RBMS3: variants seen among roughly 807,000 people sequenced by gnomAD.
The protein encoded by RBMS3 is RNA-binding motif, single-stranded-interacting protein 3.
Under a neutral mutation model 66.8 loss-of-function variants are expected in RBMS3, and 27 were observed. The ratio of observed to expected loss-of-function variants is 0.40; its 90% CI spans 0.30 to 0.56. The LOEUF is 0.56. Ranked by LOEUF, RBMS3 falls within the 20% of genes least tolerant of loss-of-function variation. RBMS3 has a pLI of 0.40. For synonymous variants in RBMS3, 188 were observed against 183.0 expected (o/e 1.03, Z -0.22); for missense variants, 513 against 549.5 (o/e 0.93, Z 0.66).
chr3:29,927,149 A>C (rs1044701824), intron 10 of RBMS3: 3 of 152,240 alleles, frequency 2.0e-5, no homozygotes, highest in African/African-American at 7.2e-5. Context: ...GAGAAGGTCA[A>C]GCTGGCAGTG....
intron 4 of RBMS3, among the ~76,000 whole-genome samples, chr3:29,627,218 A>G (rs2049093161): frequency 6.6e-6 from 1 of 152,012 alleles, no homozygotes; most frequent in Non-Finnish European, 1.5e-5. Flanking sequence ...ACCTCTCCCC[A>G]TGGATGAACA....
chr3:29,554,397 C>A (rs1385961186), intron 3 of RBMS3, among the ~76,000 whole-genome samples: 2 of 152,194 alleles, frequency 1.3e-5, no homozygotes, highest in Non-Finnish European at 2.9e-5. Flanking sequence ...ATTCACTAAG[C>A]AGTAACAGTC....
chr3:29,339,066 C>G (rs1412866563), intron 1 of RBMS3, among the ~76,000 whole-genome samples: 2 of 152,176 alleles, frequency 1.3e-5, no homozygotes, highest in Non-Finnish European at 2.9e-5. Context: ...GATCCTCTAA[C>G]TCTTGTTGGC....
intron 8 of RBMS3, among the ~76,000 whole-genome samples, chr3:29,886,572 TAACA>T (rs1200124750): frequency 6.6e-6 from 1 of 151,908 alleles, no homozygotes; most frequent in Admixed American, 6.6e-5. Context: ...TTGTAGAGAT[TAACA>T]AGCCAACAAG....
chr3:29,470,747 A>T (rs1212902774), intron 2 of RBMS3, among the ~76,000 whole-genome samples: 1 of 152,140 alleles, frequency 6.6e-6, no homozygotes, highest in Non-Finnish European at 1.5e-5. Context: ...CTTGAAATAA[A>T]AATGACAGTA....
chr3:29,402,217 C>T (rs2039842904), intron 1 of RBMS3, among the ~76,000 whole-genome samples: 1 of 151,910 alleles, frequency 6.6e-6, no homozygotes, highest in Non-Finnish European at 1.5e-5. Context: ...GTAAGAGGCT[C>T]CTATGTAGGA....
intron 2 of RBMS3, among the ~76,000 whole-genome samples, chr3:29,478,432 C>T (rs530588485): frequency 6.6e-5 from 10 of 152,172 alleles, no homozygotes; most frequent in East Asian, 3.9e-4. Context: ...GGCCCTCTTT[C>T]GTAAGGGGAC....
At chr3:29,425,568 G>A (rs1264545599) in intron 1 of RBMS3, among the ~76,000 whole-genome samples, 2 of 151,922 alleles carry the variant, frequency 1.3e-5, no homozygotes, top group Non-Finnish European at 2.9e-5. Context: ...AACCAAGGTG[G>A]TGGAGGTTGC....
chr3:29,641,664 TTC>T (rs1161350074), intron 4 of RBMS3, among the ~76,000 whole-genome samples: 1 of 152,106 alleles, frequency 6.6e-6, no homozygotes, highest in African/African-American at 2.4e-5. Flanking sequence ...ACTTGTTTTT[TTC>T]TCTCTTGTAT....
At chr3:29,285,247 GGGTGGT>G (rs1475980731) in intron 1 of RBMS3, among the ~76,000 whole-genome samples, 8 of 130,012 alleles carry the variant, frequency 6.2e-5, no homozygotes, top group Admixed American at 1.6e-4. Flanking sequence ...GTGGGGGTGG[GGGTGGT>G]GGTGGGGAGT....
At chr3:29,630,425 G>A (rs2049241515) in intron 4 of RBMS3, among the ~76,000 whole-genome samples, 1 of 151,870 alleles carries the variant, frequency 6.6e-6, no homozygotes, top group African/African-American at 2.4e-5. Flanking sequence ...AGGAAGAATT[G>A]GGGACCAACT....
intron 4 of RBMS3, among the ~76,000 whole-genome samples, chr3:29,676,235 T>G (rs1299506060): frequency 6.6e-6 from 1 of 151,870 alleles, no homozygotes; most frequent in Admixed American, 6.6e-5. Context: ...TGAGAACACT[T>G]GGACACAGGG....
At chr3:29,681,854 C>A (rs2051510134) in intron 4 of RBMS3, among the ~76,000 whole-genome samples, 1 of 152,164 alleles carries the variant, frequency 6.6e-6, no homozygotes, top group Non-Finnish European at 1.5e-5. Flanking sequence ...ATTTATATTT[C>A]TTTGGGTATA....
chr3:29,901,579 T>C (rs1428418318), intron 10 of RBMS3, among the ~76,000 whole-genome samples: 1 of 151,794 alleles, frequency 6.6e-6, no homozygotes, highest in Non-Finnish European at 1.5e-5. Flanking sequence ...TCCACCCCAG[T>C]ACAGCTTCAG....
intron 13 of RBMS3, among the ~76,000 whole-genome samples, chr3:29,988,795 A>C (rs1254629426): frequency 3.3e-5 from 5 of 152,188 alleles, no homozygotes; most frequent in African/African-American, 1.2e-4. Context: ...AAAGGAAAAA[A>C]AAAGAAATGT....
intron 1 of RBMS3, among the ~76,000 whole-genome samples, chr3:29,356,832 A>G (rs1047073732): frequency 6.6e-6 from 1 of 152,168 alleles, no homozygotes; most frequent in African/African-American, 2.4e-5. Context: ...AGGGTTAATG[A>G]TAGCATTTAT....
intron 7 of RBMS3, among the ~76,000 whole-genome samples, chr3:29,872,757 G>A (rs1326861685): frequency 6.6e-6 from 1 of 152,164 alleles, no homozygotes; most frequent in African/African-American, 2.4e-5. Flanking sequence ...GGCTGGCACA[G>A]CAGGATTTTT....
intron 3 of RBMS3, among the ~76,000 whole-genome samples, chr3:29,565,121 T>A (rs552302079): frequency 2.0e-5 from 3 of 152,262 alleles, no homozygotes; most frequent in African/African-American, 7.2e-5. Flanking sequence ...TAAACTGATA[T>A]AAAATGAAGA....
At chr3:29,381,536 G>T (rs1455728570) in intron 1 of RBMS3, among the ~76,000 whole-genome samples, 4 of 152,148 alleles carry the variant, frequency 2.6e-5, no homozygotes, top group Non-Finnish European at 5.9e-5. Context: ...TGCCATCTTT[G>T]TATGTAAAAA....
Sources: allele counts gnomAD v4.1 joint callset (sites outside exome capture counted in the v4.1 genomes callset), GRCh38; gene constraint gnomAD v4.1.1; transcripts MANE v1.5; gene names NCBI Gene and HGNC (gene_info 2026-07-23, HGNC 2026-07-21).